Variants in AJAP1 observed in about 807,000 individuals in gnomAD.
AJAP1 encodes the protein adherens junction-associated protein 1.
A neutral mutation model predicts 35.0 loss-of-function variants in AJAP1; 5 were observed. The ratio of observed to expected loss-of-function variants is 0.14; its 90% CI spans 0.07 to 0.30. The LOEUF (loss-of-function observed/expected upper bound fraction) is 0.30, where lower values mean the gene tolerates loss of function less well. Ranked by LOEUF, AJAP1 falls within the 10% of genes least tolerant of loss-of-function variation. The pLI, the probability that AJAP1 is intolerant of heterozygous loss-of-function variation, is 1.00. For synonymous variants in AJAP1, 284 were observed against 249.3 expected (o/e 1.14, Z -1.31); for missense variants, 586 against 571.0 (o/e 1.03, Z -0.27).
At chr1:4,701,537 C>T (rs1359913159) in intron 1 of AJAP1, among the ~76,000 whole-genome samples, 2 of 152,170 alleles carry the variant, frequency 1.3e-5, no homozygotes, top group African/African-American at 4.8e-5. Flanking sequence ...GGTGCCCGTG[C>T]CATCAGGTTT....
intron 1 of AJAP1, among the ~76,000 whole-genome samples, chr1:4,698,688 ACT>A (rs1208802930): frequency 6.6e-6 from 1 of 151,898 alleles, no homozygotes; most frequent in Admixed American, 6.6e-5. Flanking sequence ...CTCCCAGGAA[ACT>A]CTGAGCTGCT....
chr1:4,779,024 G>T (rs986594689), intron 5 of AJAP1, among the ~76,000 whole-genome samples: 10 of 152,212 alleles, frequency 6.6e-5, no homozygotes, highest in African/African-American at 2.4e-4. Flanking sequence ...TTGCACATCT[G>T]CCCAGATAAA....
rs1436958788 is a variant in AJAP1 at position 4,656,759 on chromosome 1, GT to G, written c.29+1306del. 1.3e-5 allele frequency among the ~76,000 whole-genome samples: 2 copies of G among 152,216 alleles called. No individual in the cohort carries two copies. Among genetic ancestry groups the G allele is most frequent in the Non-Finnish European group, 2.9e-5 (2 of 68,036 alleles). On this transcript the variant is annotated intron_variant, in intron 1 of 5. Coordinates refer to ENST00000378191, the MANE Select transcript of AJAP1 (RefSeq NM_018836.4). The surrounding 1 kb of genome is among the most constrained non-coding windows in gnomAD (Gnocchi z 5.7). ...CCTTCTCTCAGTGGCCGATCTTGCTGTGGGCTTCAAAGGTTAATCATGGAGC... is the reference window on the plus strand; with the variant it reads ...CCTTCTCTCAGTGGCCGATCTTGCTGGGGCTTCAAAGGTTAATCATGGAGC...
At chr1:4,688,036 C>T (rs1018980124) in intron 1 of AJAP1, among the ~76,000 whole-genome samples, 25 of 152,192 alleles carry the variant, frequency 1.6e-4, no homozygotes, top group African/African-American at 6.0e-4. Context: ...GCTGGAAGGC[C>T]TCCAGGGGAG....
rs1433159465 is a variant in AJAP1, at chr1:4,720,026, C to T, written c.829+7327C>T. ...CCCACCTCTGCCCAGGAGTGGCCTG[C>T]ATTGTGGATGTCTAGCTTAAAAGGC... On this transcript the variant is annotated intron_variant, in intron 2 of 5. Coordinates refer to ENST00000378191, the MANE Select transcript of AJAP1 (RefSeq NM_018836.4). This position sits in a 1 kb window ranked among gnomAD's most constrained non-coding sequence, Gnocchi z 4.4. 2.6e-5 allele frequency among the ~76,000 whole-genome samples: 4 copies of T among 152,164 alleles called. No homozygotes were observed. The highest frequency in any genetic ancestry group is 9.7e-5 in the African/African-American group (4 of 41,424).
chr1:4,756,127 C>G (rs3820255), intron 2 of AJAP1, among the ~76,000 whole-genome samples: 14,221 of 152,218 alleles, frequency 0.093, 734 homozygotes, highest in East Asian at 0.16. Flanking sequence ...GGCAGAGGAT[C>G]TTTGTCACTG....
chr1:4,663,221 A>C (rs186445020), intron 1 of AJAP1, among the ~76,000 whole-genome samples: 129 of 152,264 alleles, frequency 8.5e-4, no homozygotes, highest in Middle Eastern at 3.4e-3. Context: ...TCAAGCGATC[A>C]TCCCACCTCA....
chr1:4,768,519 C>T (rs116199187), intron 2 of AJAP1, among the ~76,000 whole-genome samples: 2,231 of 152,324 alleles, frequency 0.015, 23 homozygotes, highest in Middle Eastern at 0.048. Context: ...CTTGGGAGGC[C>T]GCCAGAAAAA....
At chr1:4,721,500 GATTTC>G (rs1370531384) in intron 2 of AJAP1, among the ~76,000 whole-genome samples, 5 of 152,318 alleles carry the variant, frequency 3.3e-5, no homozygotes, top group African/African-American at 1.2e-4. Flanking sequence ...CCCACCATGT[GATTTC>G]AGAGACACAC....
chr1:4,744,938 G>A (rs1020240419), intron 2 of AJAP1, among the ~76,000 whole-genome samples: 3 of 151,986 alleles, frequency 2.0e-5, no homozygotes, highest in Non-Finnish European at 2.9e-5. Flanking sequence ...GCCCGGATTC[G>A]GGGCTGGGAG....
intron 2 of AJAP1, among the ~76,000 whole-genome samples, chr1:4,747,515 C>T (rs1178304235): frequency 1.3e-5 from 2 of 152,216 alleles, no homozygotes; most frequent in East Asian, 3.9e-4. Context: ...GTGCCGCCCC[C>T]TTCCCTCCTA....
chr1:4,726,019 G>A (rs1020272375), intron 2 of AJAP1, among the ~76,000 whole-genome samples: 1 of 152,236 alleles, frequency 6.6e-6, no homozygotes, highest in East Asian at 1.9e-4. Flanking sequence ...ACCTCCAGGG[G>A]TCATGGCCCA....
chr1:4,687,201 G>A (rs143270128), intron 1 of AJAP1, among the ~76,000 whole-genome samples: 10 of 152,292 alleles, frequency 6.6e-5, no homozygotes, highest in Admixed American at 2.0e-4. Flanking sequence ...CAGCCAGAAT[G>A]CAGGCTTGAG....
intron 1 of AJAP1, among the ~76,000 whole-genome samples, chr1:4,679,852 T>TGTGTAG (rs1553154879): frequency 0.017 from 2,420 of 140,708 alleles, 33 homozygotes; most frequent in Admixed American, 0.026. Context: ...TGTGTGTGTG[T>TGTGTAG]AGAGAGAGAT....
chr1:4,712,008 G>C lies in AJAP1; in HGVS notation c.138G>C (p.Pro46=). ...TGCCCGCCTGTGAGGCCCTGGGCCC[G>C]GGGCCGGAGTTCTGGCTCCTGCCGC... ...VDLPACEALG[P]GPEFWLLPRS... is the part of the protein sequence containing the mutation. The change falls in exon 2 of 6, where the codon CCG becomes CCC. Residue 46 remains proline, a synonymous_variant. Coordinates refer to ENST00000378191, the MANE Select transcript of AJAP1 (RefSeq NM_018836.4). The C allele has an allele frequency of 6.3e-7, 1 of 1,594,230 alleles. No individual in the cohort carries two copies. The highest frequency in any genetic ancestry group is 8.5e-7 in the Non-Finnish European group (1 of 1,173,444).
chr1:4,715,220 T>A (rs1640362041), intron 2 of AJAP1, among the ~76,000 whole-genome samples: 1 of 152,170 alleles, frequency 6.6e-6, no homozygotes, highest in South Asian at 2.1e-4. Flanking sequence ...GCAGAAGTGG[T>A]CTTGGGGACT....
chr1:4,693,324 G>A lies in AJAP1; in HGVS notation c.30-18576G>A, dbSNP rs1462178106. ...CATGTGCTGATGGAGAGGGACTCTC[G>A]GCTTCGGAGGGAAGAACCCCATGGG... On this transcript the variant is annotated intron_variant, in intron 1 of 5. Transcript: ENST00000378191. The surrounding 1 kb of genome is among the most constrained non-coding windows in gnomAD (Gnocchi z 4.4). Among the ~76,000 whole-genome samples the A allele has an allele frequency of 2.6e-5, 4 of 151,472 alleles. No homozygotes were observed. The highest frequency in any genetic ancestry group is 6.6e-5 in the Admixed American group (1 of 15,220).
intron 2 of AJAP1, among the ~76,000 whole-genome samples, chr1:4,718,895 A>G (rs1640455804): frequency 6.6e-6 from 1 of 152,140 alleles, no homozygotes; most frequent in African/African-American, 2.4e-5. Context: ...AAGAAGAGGA[A>G]GGCCTTAATG....
At chr1:4,743,614 G>A (rs1641121179) in intron 2 of AJAP1, among the ~76,000 whole-genome samples, 1 of 152,166 alleles carries the variant, frequency 6.6e-6, no homozygotes, top group Non-Finnish European at 1.5e-5. Flanking sequence ...ACATTGCCAG[G>A]AGCTTGCAAT....
Sources: gnomAD v4.1 joint callset for allele counts (sites outside exome capture counted in the v4.1 genomes callset) on GRCh38, gnomAD v4.1.1 for gene constraint, Gnocchi (gnomAD v3.1) non-coding constraint, MANE v1.5 for transcripts, NCBI Gene and HGNC (gene_info 2026-07-23, HGNC 2026-07-21) for gene names.